CYB5A: variants seen among roughly 807,000 people sequenced by gnomAD.
The protein encoded by CYB5A is cytochrome b5 type A, also known as cytochrome b5.
A neutral mutation model predicts 16.2 loss-of-function variants in CYB5A; 10 were observed. The observed-to-expected ratio is 0.62, with a 90% confidence interval of 0.38 to 1.04. The LOEUF (loss-of-function observed/expected upper bound fraction) is 1.04. Among genes scored for constraint, CYB5A ranks in the 50% least tolerant of loss-of-function variants. The pLI, the probability that CYB5A is intolerant of heterozygous loss-of-function variation, is 0.01. For synonymous variants in CYB5A, 62 were observed against 57.0 expected (o/e 1.09, Z -0.40); for missense variants, 161 against 165.9 (o/e 0.97, Z 0.16).
At chr18:74,270,929 A>AT (rs1982645146) in intron 1 of CYB5A, among the ~76,000 whole-genome samples, 1 of 152,214 alleles carries the variant, frequency 6.6e-6, no homozygotes, top group Admixed American at 6.5e-5. Context: ...TTCAATACCC[A>AT]TAAGTATTCA....
rs2145030231 is a variant in CYB5A, at chr18:74,251,418, G to A, written c.*2166C>T. Reference sequence around the variant, plus strand: ...AGCAGGAGGGAGCTTCCAGGTCACAGAGAGGTGAGACACAAAGGGTTGCAT... The same window carrying A: ...AGCAGGAGGGAGCTTCCAGGTCACAAAGAGGTGAGACACAAAGGGTTGCAT... On this transcript the variant is annotated 3_prime_UTR_variant, in exon 5 of 5. Transcript: ENST00000340533. 1 of 152,468 alleles carries A rather than the reference G, an allele frequency of 6.6e-6. No homozygotes were observed. Among genetic ancestry groups the A allele is most frequent in the South Asian group, 2.1e-4 (1 of 4,830 alleles). 9.4% of individuals were successfully genotyped at this position (152,468 alleles called of 1,614,324 possible). A position where few individuals can be genotyped will look rare whatever the true frequency, so the allele number is the denominator to read the frequency against.
chr18:74,260,653 C>T (rs1468030601), intron 3 of CYB5A: 1 of 523,208 alleles, frequency 1.9e-6, no homozygotes, highest in Non-Finnish European at 3.6e-6. Context: ...AGTAGCTCTT[C>T]AAATGGTATA....
In CYB5A at chr18:74,253,683, G is replaced by T; in HGVS notation, c.324-18C>A. 1 of 1,569,462 alleles carries T rather than the reference G, an allele frequency of 6.4e-7. No homozygotes were observed. Among genetic ancestry groups the T allele is most frequent in the Non-Finnish European group, 8.8e-7 (1 of 1,139,998 alleles). On this transcript the variant is annotated intron_variant, in intron 4 of 4. Transcript: ENST00000340533. ...TCCACCAACTAGAAAGACACAAAAA[G>T]CAATGATGCTGACATGATGTGCACT...
chr18:74,278,203 G>A (rs1288052805), intron 1 of CYB5A, among the ~76,000 whole-genome samples: 7 of 152,136 alleles, frequency 4.6e-5, no homozygotes, highest in African/African-American at 1.7e-4. Flanking sequence ...AACGCAGGCC[G>A]CCTGACTCCA....
At chr18:74,268,185 T>TGCCA (rs1982524241) in intron 1 of CYB5A, among the ~76,000 whole-genome samples, 1 of 152,174 alleles carries the variant, frequency 6.6e-6, no homozygotes, top group African/African-American at 2.4e-5. Context: ...ACTATGACCA[T>TGCCA]GCCACTGCAA....
At position 74,253,556 on chromosome 18, in the gene CYB5A, C is replaced by G; in HGVS notation, c.*28G>C. 6.6e-7 allele frequency: 1 copy of G among 1,518,800 alleles called. No individual in the cohort carries two copies. Among genetic ancestry groups the G allele is most frequent in the Non-Finnish European group, 9.1e-7 (1 of 1,094,574 alleles). 94.1% of individuals were successfully genotyped at this position (1,518,800 alleles called of 1,614,324 possible). The stretch of plus-strand genomic sequence containing the variant: ...TTTTCTCCCGTGTCCAAAGCAGGCT[C>G]TTCCTGCGCTGACTTCTGAGGAGGT... On this transcript the variant is annotated 3_prime_UTR_variant, in exon 5 of 5. Coordinates refer to ENST00000340533, the MANE Select transcript of CYB5A (RefSeq NM_148923.4).
chr18:74,267,895 G>A (rs1028143591), intron 1 of CYB5A, among the ~76,000 whole-genome samples: 9 of 152,194 alleles, frequency 5.9e-5, no homozygotes, highest in Admixed American at 1.3e-4. Context: ...GTAGTGCCCA[G>A]AGAGAGGGAG....
intron 1 of CYB5A, among the ~76,000 whole-genome samples, chr18:74,280,646 A>T (rs1016898245): frequency 1.3e-5 from 2 of 152,086 alleles, no homozygotes; most frequent in Non-Finnish European, 2.9e-5. Context: ...AATTGGCATA[A>T]GGTGTGAGGT....
chr18:74,262,978 C>T (rs1283184480), intron 2 of CYB5A, among the ~76,000 whole-genome samples: 1 of 151,976 alleles, frequency 6.6e-6, no homozygotes, highest in Non-Finnish European at 1.5e-5. Context: ...GGTGAAACCC[C>T]GTCTCTACAA....
intron 1 of CYB5A, among the ~76,000 whole-genome samples, chr18:74,276,717 G>A (rs1304844205): frequency 6.6e-6 from 1 of 152,114 alleles, no homozygotes; most frequent in Non-Finnish European, 1.5e-5. Flanking sequence ...CGAACCCAGG[G>A]GAATGAACGC....
intron 3 of CYB5A, chr18:74,256,758 T>TA: frequency 1.4e-6 from 2 of 1,397,982 alleles, no homozygotes; most frequent in Non-Finnish European, 2.0e-6. Context: ...CAAAGCACGT[T>TA]AGAGAAACTC....
intron 1 of CYB5A, among the ~76,000 whole-genome samples, chr18:74,289,973 A>G (rs1983471519): frequency 6.6e-6 from 1 of 152,190 alleles, no homozygotes. Context: ...AATGCTTCAT[A>G]ATATAAAATA....
In CYB5A at chr18:74,263,771, G is replaced by C. The variant is rs368310537; in HGVS notation, c.130-294C>G. On this transcript the variant is annotated intron_variant, in intron 1 of 4. Coordinates refer to ENST00000340533, the MANE Select transcript of CYB5A (RefSeq NM_148923.4). ...AATACAATTTTAAAAAATTAGCTGGGCACGGTGGCATGCCCCTGCAGTCCC... is the reference window on the plus strand; with the variant it reads ...AATACAATTTTAAAAAATTAGCTGGCCACGGTGGCATGCCCCTGCAGTCCC... Among the ~76,000 whole-genome samples the C allele has an allele frequency of 4.8e-4, 73 of 152,218 alleles. No homozygotes were observed. In the East Asian group the frequency reaches 0.013, roughly 27 times the overall value.
chr18:74,264,248 T>C (rs1982342795), intron 1 of CYB5A, among the ~76,000 whole-genome samples: 1 of 149,808 alleles, frequency 6.7e-6, no homozygotes, highest in South Asian at 2.1e-4. Context: ...AGAAAGAACC[T>C]TTCACTAACA....
At position 74,291,863 on chromosome 18, in the gene CYB5A, A is replaced by C. The variant is rs75160992; in HGVS notation, c.13T>G (p.Ser5Ala). The C allele has an allele frequency of 5.3e-4, 852 of 1,612,202 alleles. 7 individuals are homozygous for C. In the African/African-American group the frequency reaches 9.3e-3, roughly 18 times the overall value. The change falls in exon 1 of 5, where the codon TCG (serine) becomes GCG (alanine). Residue 5 changes from serine to alanine, a missense_variant. By Grantham distance (99) the Ser-to-Ala change is moderately conservative. Coordinates refer to ENST00000340533, the MANE Select transcript of CYB5A (RefSeq NM_148923.4). MAEQ[S>A]DEAVKYYTLE... ...GTGTAGTACTTCACGGCCTCGTCCG[A>C]CTGCTCTGCCATCTCGGTTCGCCGC...
At chr18:74,278,506 A>G (rs1309247253) in intron 1 of CYB5A, among the ~76,000 whole-genome samples, 1 of 152,126 alleles carries the variant, frequency 6.6e-6, no homozygotes, top group Non-Finnish European at 1.5e-5. Flanking sequence ...GGCCAATTCC[A>G]GCACCAAACC....
chr18:74,270,458 G>A (rs1375873714), intron 1 of CYB5A, among the ~76,000 whole-genome samples: 2 of 152,072 alleles, frequency 1.3e-5, no homozygotes, highest in Admixed American at 6.5e-5. Flanking sequence ...GGCTGCCTGT[G>A]TCCCCACACT....
intron 1 of CYB5A, among the ~76,000 whole-genome samples, chr18:74,284,233 CAAAA>C (rs1308439463): frequency 2.7e-5 from 2 of 73,082 alleles, no homozygotes; most frequent in Non-Finnish European, 6.5e-5. Flanking sequence ...ACTCCATCTC[CAAAA>C]AAAAAAAAAA....
chr18:74,276,851 C>T (rs1237138946), intron 1 of CYB5A, among the ~76,000 whole-genome samples: 1 of 152,108 alleles, frequency 6.6e-6, no homozygotes. Context: ...TGGCAGCTAC[C>T]CATCTGCAGG....
Sources: allele counts gnomAD v4.1 joint callset (sites outside exome capture counted in the v4.1 genomes callset), GRCh38; gene constraint gnomAD v4.1.1; transcripts MANE v1.5; gene names NCBI Gene and HGNC (gene_info 2026-07-23, HGNC 2026-07-21).